ANKRD30BL: variants seen among roughly 807,000 people sequenced by gnomAD.
ANKRD30BL encodes the protein ankyrin repeat domain 30B like, also known as putative ankyrin repeat domain-containing protein 30B-like.
ANKRD30BL carries 20 observed loss-of-function variants against 18.4 expected under a neutral mutation model. That is an observed-to-expected ratio of 1.09 (90% CI 0.77 to 1.58). The LOEUF is 1.58. Among genes scored for constraint, ANKRD30BL ranks in the 40% most tolerant of loss-of-function variants. The pLI is 0.00. For missense variants in ANKRD30BL, 224 were observed against 268.6 expected, an observed-to-expected ratio of 0.83 and a Z score of 1.16; for synonymous variants, 72 against 100.9, an observed-to-expected ratio of 0.71 and a Z score of 1.72.
intron 1 of ANKRD30BL, among the ~76,000 whole-genome samples, chr2:132,221,663 C>T (rs1260718065): frequency 1.2e-3 from 137 of 117,026 alleles, no homozygotes; most frequent in Middle Eastern, 5.9e-3. Context: ...GCCCCCCGCC[C>T]GGCCAGCCGC....
intron 1 of ANKRD30BL, among the ~76,000 whole-genome samples, chr2:132,234,597 TAAA>T (rs1238330409): frequency 6.6e-6 from 1 of 152,042 alleles, no homozygotes; most frequent in African/African-American, 2.4e-5. Flanking sequence ...AAGAAATGGA[TAAA>T]TCCCTTGACA....
At chr2:132,233,479 G>A (rs1209415326) in intron 1 of ANKRD30BL, among the ~76,000 whole-genome samples, 2 of 139,494 alleles carry the variant, frequency 1.4e-5, no homozygotes, top group African/African-American at 5.4e-5. Context: ...CAAAATAAAA[G>A]GATGGAGGAA....
chr2:132,175,160 G>C (rs1246231812), intron 1 of ANKRD30BL, among the ~76,000 whole-genome samples: 1 of 151,906 alleles, frequency 6.6e-6, no homozygotes, highest in Admixed American at 6.6e-5. Context: ...GCATACCAAG[G>C]ACGTGCACCA....
chr2:132,256,887 G>A (rs1321409448), intron 1 of ANKRD30BL: 2 of 450,078 alleles, frequency 4.4e-6, no homozygotes, highest in Admixed American at 2.4e-5. Context: ...CCGCGGGCAG[G>A]GTGGGGGGCA....
At chr2:132,224,201 G>A (rs1265348804) in intron 1 of ANKRD30BL, among the ~76,000 whole-genome samples, 2 of 151,840 alleles carry the variant, frequency 1.3e-5, no homozygotes, top group Non-Finnish European at 2.9e-5. Flanking sequence ...AACTCACAGA[G>A]ATGAACCTTT....
At chr2:132,253,637 C>T (rs1389142843) in intron 1 of ANKRD30BL, among the ~76,000 whole-genome samples, 6 of 152,040 alleles carry the variant, frequency 3.9e-5, no homozygotes, top group South Asian at 2.1e-4. Context: ...CCCAGCTGGC[C>T]GGGGGGACGG....
At chr2:132,184,995 G>A (rs187962143) in intron 1 of ANKRD30BL, among the ~76,000 whole-genome samples, 21 of 152,132 alleles carry the variant, frequency 1.4e-4, no homozygotes, top group Admixed American at 1.0e-3. Flanking sequence ...TGTATTTTTA[G>A]TAGAGACAGG....
chr2:132,246,361 C>T (rs1573890747), intron 1 of ANKRD30BL, among the ~76,000 whole-genome samples: 1 of 152,034 alleles, frequency 6.6e-6, no homozygotes, highest in Admixed American at 6.6e-5. Flanking sequence ...ACTCAACTCA[C>T]AGAGTTGAAC....
At chr2:132,150,785 A>G in intron 5 of ANKRD30BL, 127 bp downstream of exon 5, 2 of 345,426 alleles carry the variant, frequency 5.8e-6, no homozygotes, top group Non-Finnish European at 5.3e-6. Context: ...ATATAAAAAA[A>G]CACATATAGG....
At chr2:132,173,796 A>G (rs1184603881) in intron 1 of ANKRD30BL, among the ~76,000 whole-genome samples, 1 of 152,168 alleles carries the variant, frequency 6.6e-6, no homozygotes, top group African/African-American at 2.4e-5. Flanking sequence ...ATTAAGTTTT[A>G]TTATTAAGCA....
chr2:132,233,799 T>C (rs1300837690), intron 1 of ANKRD30BL, among the ~76,000 whole-genome samples: 1 of 149,614 alleles, frequency 6.7e-6, no homozygotes, highest in Non-Finnish European at 1.5e-5. Flanking sequence ...TCAACAAGGA[T>C]ACCCAGGAAT....
At chr2:132,247,385 G>A (rs568242235) in intron 1 of ANKRD30BL, among the ~76,000 whole-genome samples, 3 of 151,936 alleles carry the variant, frequency 2.0e-5, no homozygotes, top group Admixed American at 1.3e-4. Context: ...TCAACTGATG[G>A]AGTTGAGCCT....
At chr2:132,216,410 T>C (rs562682707) in intron 1 of ANKRD30BL, among the ~76,000 whole-genome samples, 29 of 152,168 alleles carry the variant, frequency 1.9e-4, no homozygotes, top group Admixed American at 1.7e-3. Context: ...ATGTTTTCAT[T>C]CAACCCACAG....
chr2:132,151,087 C>A (rs1320486425), intron 4 of ANKRD30BL, 111 bp from the exon 5 acceptor site: 3 of 401,612 alleles, frequency 7.5e-6, no homozygotes, highest in Non-Finnish European at 1.3e-5. Context: ...GAGCTAACAT[C>A]AGAACATTAC....
At chr2:132,214,646 G>A (rs890464967) in intron 1 of ANKRD30BL, among the ~76,000 whole-genome samples, 5 of 151,890 alleles carry the variant, frequency 3.3e-5, no homozygotes, top group Admixed American at 1.3e-4. Context: ...AGTGCTTTGA[G>A]GCATATGGTG....
chr2:132,206,452 C>A (rs1185525568), intron 1 of ANKRD30BL, among the ~76,000 whole-genome samples: 3 of 152,230 alleles, frequency 2.0e-5, no homozygotes, highest in African/African-American at 7.2e-5. Flanking sequence ...CCAGCTCTTC[C>A]ACTTTCTGGT....
At chr2:132,199,765 T>C (rs1027713523) in intron 1 of ANKRD30BL, among the ~76,000 whole-genome samples, 20 of 152,186 alleles carry the variant, frequency 1.3e-4, no homozygotes, top group African/African-American at 4.8e-4. Flanking sequence ...ATAAAATAAA[T>C]GGTTTAAATA....
chr2:132,217,539 C>T (rs933038494), intron 1 of ANKRD30BL, among the ~76,000 whole-genome samples: 22 of 152,056 alleles, frequency 1.4e-4, no homozygotes, highest in African/African-American at 5.1e-4. Context: ...TTGACACACT[C>T]TTTTAGTAGA....
intron 1 of ANKRD30BL, among the ~76,000 whole-genome samples, chr2:132,202,216 C>T (rs1490222220): frequency 6.6e-6 from 1 of 151,982 alleles, no homozygotes; most frequent in Non-Finnish European, 1.5e-5. Context: ...GGGTGCAGTG[C>T]ACCAGCATGG....
Sources: gnomAD v4.1 joint callset for allele counts (sites outside exome capture counted in the v4.1 genomes callset) on GRCh38, gnomAD v4.1.1 for gene constraint, MANE v1.5 for transcripts, NCBI Gene and HGNC (gene_info 2026-07-23, HGNC 2026-07-21) for gene names.